EZH1: variants seen among roughly 807,000 people sequenced by gnomAD.
The protein encoded by EZH1 is enhancer of zeste 1 polycomb repressive complex 2 subunit, also known as histone-lysine N-methyltransferase EZH1.
EZH1 carries 33 observed loss-of-function variants against 100.5 expected under a neutral mutation model. The ratio of observed to expected loss-of-function variants is 0.33; its 90% CI spans 0.25 to 0.44. The LOEUF (loss-of-function observed/expected upper bound fraction) is 0.44. Ranked by LOEUF, EZH1 falls within the 20% of genes least tolerant of loss-of-function variation. The pLI, the probability that EZH1 is intolerant of heterozygous loss-of-function variation, is 1.00. For missense variants in EZH1, 475 were observed against 928.4 expected, an observed-to-expected ratio of 0.51 and a Z score of 6.35; for synonymous variants, 272 against 313.8, an observed-to-expected ratio of 0.87 and a Z score of 1.41.
At chr17:42,721,671 T>C (rs1672841370) in intron 6 of EZH1, among the ~76,000 whole-genome samples, 1 of 150,430 alleles carries the variant, frequency 6.6e-6, no homozygotes, top group African/African-American at 2.4e-5. Context: ...CAGAAATAAC[T>C]AGGGTAATAA....
At position 42,704,700 on chromosome 17, in the gene EZH1, A is replaced by G. The variant is rs1030408215; in HGVS notation, c.1936-17T>C. On this transcript the variant is annotated splice_polypyrimidine_tract_variant and intron_variant, in intron 17 of 20. Coordinates refer to ENST00000428826, the MANE Select transcript of EZH1 (RefSeq NM_001991.5). ...AGAGATGAGCTAGAGAGATAGACAAATAACAAATAGGAGTATCAGGCTGCC... is the reference window on the plus strand; with the variant it reads ...AGAGATGAGCTAGAGAGATAGACAAGTAACAAATAGGAGTATCAGGCTGCC... 9.9e-6 allele frequency: 16 copies of G among 1,609,448 alleles called. No homozygotes were observed. The highest frequency in any genetic ancestry group is 8.0e-5 in the African/African-American group (6 of 74,786).
chr17:42,735,503 T>C (rs189276703), intron 1 of EZH1, among the ~76,000 whole-genome samples: 1 of 152,290 alleles, frequency 6.6e-6, no homozygotes, highest in Admixed American at 6.5e-5. Flanking sequence ...GATCTATTAT[T>C]TAGTTACTTA....
At chr17:42,731,238 C>T (rs1375660873) in intron 1 of EZH1, among the ~76,000 whole-genome samples, 1 of 152,044 alleles carries the variant, frequency 6.6e-6, no homozygotes, top group Admixed American at 6.6e-5. Context: ...CTGCCTCAGC[C>T]TCCCAAGTAG....
rs547366783 is a variant in EZH1, at chr17:42,714,276, G to C, written c.1024-887C>G. On this transcript the variant is annotated intron_variant, in intron 10 of 20. Transcript: ENST00000428826. Reference sequence around the variant, plus strand: ...ACAAAATAAAGGTTTATCTTCCAGTGACATTGTCTAGAGGCACTCAGAATG... The same window carrying C: ...ACAAAATAAAGGTTTATCTTCCAGTCACATTGTCTAGAGGCACTCAGAATG... 3.4e-5 allele frequency: 7 copies of C among 205,104 alleles called. No homozygotes were observed. In the South Asian group the frequency reaches 6.3e-4, roughly 18 times the overall value. 12.7% of individuals were successfully genotyped at this position (205,104 alleles called of 1,614,324 possible).
In EZH1 at chr17:42,702,611, G is replaced by T. The variant is rs1277168443; in HGVS notation, c.2184-19C>A. The T allele has an allele frequency of 2.6e-6, 4 of 1,560,716 alleles. No homozygotes were observed. The South Asian group carries it at 4.7e-5, about 18-fold the overall frequency. On this transcript the variant is annotated intron_variant, in intron 20 of 20. Coordinates refer to ENST00000428826, the MANE Select transcript of EZH1 (RefSeq NM_001991.5). The stretch of plus-strand genomic sequence containing the variant: ...GCTGTACCTGTCCCAGAGCAGGGAA[G>T]AGGAACCAGGTTACTCTCATGACTT...
intron 16 of EZH1, 113 bp downstream of exon 16, chr17:42,705,893 CA>C (rs2053343523): frequency 9.2e-7 from 1 of 1,088,544 alleles, no homozygotes; most frequent in Non-Finnish European, 1.3e-6. Context: ...TAGGATTTAT[CA>C]AGCACTTTCA....
chr17:42,707,746 G>A (rs549072231), intron 15 of EZH1, among the ~76,000 whole-genome samples: 1 of 150,692 alleles, frequency 6.6e-6, no homozygotes, highest in African/African-American at 2.4e-5. Flanking sequence ...TGATTTCTGT[G>A]TAATTGCTGC....
chr17:42,740,917 C>CT (rs1206248486), intron 1 of EZH1, among the ~76,000 whole-genome samples: 1 of 152,194 alleles, frequency 6.6e-6, no homozygotes, highest in Non-Finnish European at 1.5e-5. Context: ...CAAGTCTCAA[C>CT]TGATGATTGA....
rs2053741549 is a variant in EZH1 at position 42,722,783 on chromosome 17, C to G, written c.487+12G>C. ...CTAACAAAATTTTCTCCAAGGAGTT[C>G]AGTACCACTACCTTCTTCACCATGG... On this transcript the variant is annotated intron_variant, in intron 6 of 20. Transcript: ENST00000428826. The G allele has an allele frequency of 6.2e-7, 1 of 1,610,520 alleles. No homozygotes were observed. The highest frequency in any genetic ancestry group is 1.3e-5 in the African/African-American group (1 of 74,718).
intron 1 of EZH1, among the ~76,000 whole-genome samples, chr17:42,744,159 G>C (rs943636690): frequency 1.3e-5 from 2 of 152,054 alleles, no homozygotes; most frequent in African/African-American, 2.4e-5. Context: ...TCCACGGGGG[G>C]CACTAACATC....
chr17:42,727,186 T>A (rs2053837813), intron 4 of EZH1, among the ~76,000 whole-genome samples: 1 of 152,176 alleles, frequency 6.6e-6, no homozygotes, highest in African/African-American at 2.4e-5. Flanking sequence ...TTTACTATCT[T>A]AATTATTCAA....
intron 14 of EZH1, 26 bp from the exon 15 acceptor site, chr17:42,708,109 C>T (rs1373974014): frequency 1.3e-6 from 2 of 1,572,634 alleles, no homozygotes; most frequent in Non-Finnish European, 8.6e-7. Context: ...GAGGAGGATG[C>T]TGCTGTGACC....
Position 42,718,656 on chromosome 17 carries a change from C to T in EZH1, c.768-39G>A, listed in dbSNP as rs759200646. 6.2e-7 allele frequency: 1 copy of T among 1,607,276 alleles called. No individual in the cohort carries two copies. Among genetic ancestry groups the T allele is most frequent in the East Asian group, 2.2e-5 (1 of 44,810 alleles). On this transcript the variant is annotated intron_variant, in intron 8 of 20. Transcript: ENST00000428826. The surrounding 1 kb of genome is among the most constrained non-coding windows in gnomAD (Gnocchi z 4.2). ...GAGAGATAAGAGTTCCTCCGAGGAACTGCCTCCACTGAGGAAATACAGATT... is the reference window on the plus strand; with the variant it reads ...GAGAGATAAGAGTTCCTCCGAGGAATTGCCTCCACTGAGGAAATACAGATT...
chr17:42,704,995 G>C (rs993008455), intron 17 of EZH1, 93 bp downstream of exon 17: 1 of 1,095,114 alleles, frequency 9.1e-7, no homozygotes, highest in Non-Finnish European at 1.4e-6. Flanking sequence ...GAGTTATTTA[G>C]AGATTAATTC....
chr17:42,712,701 A>C (rs1474185736), intron 11 of EZH1, among the ~76,000 whole-genome samples: 2 of 152,028 alleles, frequency 1.3e-5, no homozygotes, highest in Non-Finnish European at 2.9e-5. Flanking sequence ...TCAGGAGTTC[A>C]AGACCAGCCT....
chr17:42,728,412 C>A (rs1208716745), intron 3 of EZH1, among the ~76,000 whole-genome samples: 1 of 150,334 alleles, frequency 6.7e-6, no homozygotes, highest in South Asian at 2.1e-4. Context: ...CCGCACCTGG[C>A]CCTGTTACGA....
chr17:42,735,735 C>G (rs1343204449), intron 1 of EZH1, among the ~76,000 whole-genome samples: 1 of 152,156 alleles, frequency 6.6e-6, no homozygotes, highest in Admixed American at 6.6e-5. Context: ...TGCCTGTAAT[C>G]CCAGCACTTT....
intron 1 of EZH1, among the ~76,000 whole-genome samples, chr17:42,731,396 G>A (rs1442799770): frequency 6.6e-6 from 1 of 152,046 alleles, no homozygotes; most frequent in East Asian, 1.9e-4. Flanking sequence ...TACAGGTGCA[G>A]GTGTGAGCCA....
At chr17:42,733,464 AC>A (rs1444303896) in intron 1 of EZH1, among the ~76,000 whole-genome samples, 1 of 151,728 alleles carries the variant, frequency 6.6e-6, no homozygotes, top group African/African-American at 2.4e-5. Context: ...ACATGGTGAA[AC>A]CCCGTCTCTT....
Sources: allele counts gnomAD v4.1 joint callset (sites outside exome capture counted in the v4.1 genomes callset), GRCh38; gene constraint gnomAD v4.1.1; non-coding constraint Gnocchi (gnomAD v3.1); transcripts MANE v1.5; gene names NCBI Gene and HGNC (gene_info 2026-07-23, HGNC 2026-07-21).